PDZD2: variants seen among roughly 807,000 people sequenced by gnomAD.
PDZD2 encodes PDZ domain-containing protein 2.
In PDZD2, 90 loss-of-function variants were observed where a neutral mutation model predicts 220.7. That is an observed-to-expected ratio of 0.41 (90% CI 0.34 to 0.49). PDZD2 has a LOEUF of 0.49. Ranked by LOEUF, PDZD2 falls within the 20% of genes least tolerant of loss-of-function variation. The pLI is 0.28. For synonymous variants in PDZD2, 1,375 were observed against 1,450.5 expected (o/e 0.95, Z 1.18); for missense variants, 3,174 against 3,608.5 (o/e 0.88, Z 3.08).
At chr5:31,746,305 G>C (rs930906015) in intron 1 of PDZD2, among the ~76,000 whole-genome samples, 7 of 152,170 alleles carry the variant, frequency 4.6e-5, no homozygotes, top group Non-Finnish European at 8.8e-5. Flanking sequence ...GCAAATCAAT[G>C]TCAATTTTTG....
intron 1 of PDZD2, chr5:31,747,512 T>C (rs1750671639): frequency 6.6e-6 from 1 of 152,176 alleles, no homozygotes; most frequent in Non-Finnish European, 1.5e-5. Flanking sequence ...TGTTTTGGGG[T>C]AGTGTGTCCT....
intron 14 of PDZD2, among the ~76,000 whole-genome samples, chr5:32,062,862 A>G (rs554013414): frequency 6.6e-6 from 1 of 152,180 alleles, no homozygotes; most frequent in African/African-American, 2.4e-5. Flanking sequence ...CTAACGACAC[A>G]TTCTGAAAGT....
chr5:31,870,116 T>C (rs1738646935), intron 2 of PDZD2, among the ~76,000 whole-genome samples: 3 of 152,186 alleles, frequency 2.0e-5, no homozygotes. Flanking sequence ...CCCAACACTT[T>C]GGATTCCTCC....
intron 1 of PDZD2, among the ~76,000 whole-genome samples, chr5:31,681,028 T>C (rs180842334): frequency 6.6e-6 from 1 of 152,246 alleles, no homozygotes; most frequent in East Asian, 1.9e-4. Context: ...AACTTTCTTG[T>C]CCTCAAGTCA....
At chr5:31,730,016 C>T (rs2150155644) in intron 1 of PDZD2, among the ~76,000 whole-genome samples, 1 of 152,202 alleles carries the variant, frequency 6.6e-6, no homozygotes, top group South Asian at 2.1e-4. Context: ...TTAGTAGAGA[C>T]AGGGTTTCGC....
At chr5:31,922,166 A>G (rs34955361) in intron 2 of PDZD2, among the ~76,000 whole-genome samples, 1 of 152,058 alleles carries the variant, frequency 6.6e-6, no homozygotes, top group Non-Finnish European at 1.5e-5. Context: ...TCCATATATG[A>G]CCCAACTTCC....
chr5:31,941,656 T>A (rs1205593799), intron 2 of PDZD2, among the ~76,000 whole-genome samples: 4 of 152,206 alleles, frequency 2.6e-5, no homozygotes, highest in Non-Finnish European at 5.9e-5. Context: ...TTTGAGGATG[T>A]TATTGGGGTC....
At chr5:32,081,718 T>C (rs1263827327) in intron 19 of PDZD2, among the ~76,000 whole-genome samples, 1 of 152,072 alleles carries the variant, frequency 6.6e-6, no homozygotes, top group African/African-American at 2.4e-5. Flanking sequence ...AAACATGTCT[T>C]TGTTTTGTTT....
intron 2 of PDZD2, among the ~76,000 whole-genome samples, chr5:31,906,417 C>A (rs1742658854): frequency 6.6e-6 from 1 of 151,288 alleles, no homozygotes; most frequent in Non-Finnish European, 1.5e-5. Context: ...GCCATGTTAC[C>A]CAGACTAGTC....
chr5:32,003,838 A>G (rs1363659754), intron 5 of PDZD2, among the ~76,000 whole-genome samples: 1 of 152,044 alleles, frequency 6.6e-6, no homozygotes, highest in Non-Finnish European at 1.5e-5. Context: ...CAGCCTCCCA[A>G]GTAGCTGGGA....
At chr5:31,862,992 G>A (rs1398257974) in intron 2 of PDZD2, among the ~76,000 whole-genome samples, 1 of 152,162 alleles carries the variant, frequency 6.6e-6, no homozygotes, top group Non-Finnish European at 1.5e-5. Context: ...CTCCCAAGGC[G>A]TGGCAATCCC....
chr5:31,970,411 T>C (rs2111775834), intron 2 of PDZD2, among the ~76,000 whole-genome samples: 1 of 152,158 alleles, frequency 6.6e-6, no homozygotes, highest in East Asian at 1.9e-4. Flanking sequence ...ATCCCAGCAC[T>C]TAGGGAAGCT....
At chr5:31,790,073 C>T (rs1753611195) in intron 1 of PDZD2, among the ~76,000 whole-genome samples, 1 of 152,170 alleles carries the variant, frequency 6.6e-6, no homozygotes, top group South Asian at 2.1e-4. Context: ...TGTTTATGGC[C>T]TTCCATGGCC....
intron 1 of PDZD2, among the ~76,000 whole-genome samples, chr5:31,786,879 T>C (rs1753411118): frequency 6.6e-6 from 1 of 152,194 alleles, no homozygotes; most frequent in Non-Finnish European, 1.5e-5. Flanking sequence ...ATGCTAAGAA[T>C]TTAAATACAG....
intron 1 of PDZD2, among the ~76,000 whole-genome samples, chr5:31,733,990 G>T (rs1313141530): frequency 6.6e-6 from 1 of 152,140 alleles, no homozygotes; most frequent in African/African-American, 2.4e-5. Flanking sequence ...TCCCATTTCA[G>T]ATACCAATAT....
intron 19 of PDZD2, among the ~76,000 whole-genome samples, chr5:32,082,955 A>G (rs966668212): frequency 6.6e-6 from 1 of 152,198 alleles, no homozygotes. Flanking sequence ...AAACTGAAGC[A>G]GTGTGGGGAA....
At chr5:32,044,012 T>C (rs922100449) in intron 7 of PDZD2, among the ~76,000 whole-genome samples, 1 of 152,140 alleles carries the variant, frequency 6.6e-6, no homozygotes, top group African/African-American at 2.4e-5. Flanking sequence ...AGAGGAAGAA[T>C]GGGTTTGAAT....
intron 1 of PDZD2, among the ~76,000 whole-genome samples, chr5:31,745,809 AT>A (rs59613880): frequency 0.12 from 17,163 of 143,042 alleles, 990 homozygotes; most frequent in Middle Eastern, 0.17. Context: ...CATGTAAATG[AT>A]TTTTTTTTTT....
At chr5:31,759,375 T>A (rs1368266572) in intron 1 of PDZD2, among the ~76,000 whole-genome samples, 2 of 152,104 alleles carry the variant, frequency 1.3e-5, no homozygotes, top group Non-Finnish European at 2.9e-5. Flanking sequence ...TACTCTTTCA[T>A]CCTAAATTTT....
Sources: gnomAD v4.1 joint callset for allele counts (sites outside exome capture counted in the v4.1 genomes callset) on GRCh38, gnomAD v4.1.1 for gene constraint, MANE v1.5 for transcripts, NCBI Gene and HGNC (gene_info 2026-07-23, HGNC 2026-07-21) for gene names.